Variants in ITGAV observed in about 807,000 individuals in gnomAD.
ITGAV encodes integrin subunit alpha V, also known as integrin alpha-V.
In ITGAV, 76 loss-of-function variants were observed where a neutral mutation model predicts 143.8. That is an observed-to-expected ratio of 0.53 (90% CI 0.44 to 0.64). The LOEUF (loss-of-function observed/expected upper bound fraction) is 0.64. ITGAV is among the 30% of genes least tolerant of loss of function. The probability of loss-of-function intolerance (pLI) is 0.00; values close to 1 mark genes in which losing one functional copy is unlikely to be tolerated. For synonymous variants in ITGAV, 453 were observed against 446.7 expected (o/e 1.01, Z -0.18); for missense variants, 1,193 against 1,274.7 (o/e 0.94, Z 0.98).
At chr2:186,594,726 T>C (rs992871473) in intron 1 of ITGAV, among the ~76,000 whole-genome samples, 3 of 152,236 alleles carry the variant, frequency 2.0e-5, no homozygotes, top group African/African-American at 7.2e-5. Context: ...CCTGTGTGTA[T>C]TTTTAAAACT....
intron 2 of ITGAV, among the ~76,000 whole-genome samples, chr2:186,615,651 T>G (rs1687333153): frequency 6.6e-6 from 1 of 152,254 alleles, no homozygotes; most frequent in South Asian, 2.1e-4. Context: ...CATTTGGTTG[T>G]TTGTCTTACT....
chr2:186,601,165 A>G (rs1199193577), intron 1 of ITGAV, among the ~76,000 whole-genome samples: 1 of 152,148 alleles, frequency 6.6e-6, no homozygotes, highest in East Asian at 1.9e-4. Context: ...TGACAAAGAA[A>G]TTGAATAGTG....
rs563336308 is a variant in ITGAV, at chr2:186,630,082, G to A, written c.524-715G>A. ...CTTTAATTAGATCTCCGTACTAAAC[G>A]TGGGAGGATAGCTTTATATTTTACT... On this transcript the variant is annotated intron_variant, in intron 4 of 29. Coordinates refer to ENST00000261023, the MANE Select transcript of ITGAV (RefSeq NM_002210.5). Among the ~76,000 whole-genome samples the A allele has an allele frequency of 5.3e-5, 8 of 152,082 alleles. No homozygotes were observed. In the East Asian group the frequency reaches 1.2e-3, roughly 22 times the overall value.
At chr2:186,629,890 A>T (rs1460471580) in intron 4 of ITGAV, among the ~76,000 whole-genome samples, 1 of 152,108 alleles carries the variant, frequency 6.6e-6, no homozygotes, top group African/African-American at 2.4e-5. Context: ...CATGTGTTCT[A>T]GGTACTGTAT....
intron 17 of ITGAV, among the ~76,000 whole-genome samples, chr2:186,657,003 CACACACACACACACACACACAG>C (rs1190967126): frequency 7.1e-6 from 1 of 140,548 alleles, no homozygotes; most frequent in Non-Finnish European, 1.6e-5. Context: ...CACACACACA[CACACACACACACACACACACAG>C]AAGCCACTAG....
chr2:186,655,381 G>T (rs138981568), intron 16 of ITGAV, among the ~76,000 whole-genome samples: 128 of 152,276 alleles, frequency 8.4e-4, no homozygotes, highest in Middle Eastern at 3.4e-3. Context: ...AAACTTTTCA[G>T]TAGAGACCTG....
intron 1 of ITGAV, among the ~76,000 whole-genome samples, chr2:186,593,688 C>G (rs1686673164): frequency 6.6e-6 from 1 of 151,702 alleles, no homozygotes; most frequent in Non-Finnish European, 1.5e-5. Context: ...GCCCACACCA[C>G]CGGGGGGAAG....
intron 12 of ITGAV, among the ~76,000 whole-genome samples, chr2:186,643,658 T>C (rs928751654): frequency 6.6e-6 from 1 of 152,122 alleles, no homozygotes; most frequent in Non-Finnish European, 1.5e-5. Context: ...TGTTCCAAAA[T>C]TTTATATAGC....
intron 26 of ITGAV, among the ~76,000 whole-genome samples, chr2:186,673,015 C>T (rs948467973): frequency 6.6e-6 from 1 of 152,126 alleles, no homozygotes. Flanking sequence ...AAGATTCATA[C>T]CTAGGCTTTT....
At chr2:186,660,487 T>C (rs1486148153) in intron 18 of ITGAV, 6 of 152,224 alleles carry the variant, frequency 3.9e-5, no homozygotes, top group Non-Finnish European at 7.3e-5. Flanking sequence ...TTATGTTAAT[T>C]ACTTACCCCA....
intron 18 of ITGAV, among the ~76,000 whole-genome samples, chr2:186,660,961 C>T (rs1039914326): frequency 2.6e-5 from 4 of 152,092 alleles, no homozygotes; most frequent in Non-Finnish European, 5.9e-5. Flanking sequence ...TTAGGGCCCA[C>T]CTTAAAGACG....
chr2:186,644,131 A>T (rs898096052), intron 12 of ITGAV, among the ~76,000 whole-genome samples: 2 of 152,044 alleles, frequency 1.3e-5, no homozygotes, highest in Admixed American at 1.3e-4. Context: ...TTTTGTAGAG[A>T]TGGGGCTTTG....
chr2:186,625,918 C>A (rs1034413944), intron 4 of ITGAV, among the ~76,000 whole-genome samples: 4 of 152,058 alleles, frequency 2.6e-5, no homozygotes, highest in African/African-American at 9.7e-5. Flanking sequence ...AAGATGTAGA[C>A]CCCACAACTA....
intron 1 of ITGAV, among the ~76,000 whole-genome samples, chr2:186,593,754 C>T (rs1374558712): frequency 1.3e-5 from 2 of 148,398 alleles, no homozygotes; most frequent in African/African-American, 2.5e-5. Flanking sequence ...GAGGCAGAAC[C>T]GTTTGCAGTC....
chr2:186,638,212 C>T, intron 8 of ITGAV, 65 bp from the exon 9 acceptor site: 3 of 1,427,046 alleles, frequency 2.1e-6, no homozygotes, highest in Non-Finnish European at 3.0e-6. Flanking sequence ...GACATAGTCA[C>T]TTCTGGTCTG....
At chr2:186,603,768 A>C (rs1417402275) in intron 2 of ITGAV, among the ~76,000 whole-genome samples, 2 of 152,224 alleles carry the variant, frequency 1.3e-5, no homozygotes, top group Non-Finnish European at 2.9e-5. Flanking sequence ...GTTTATTGAA[A>C]ATAACATTTG....
At chr2:186,667,428 T>C (rs1179671008) in intron 23 of ITGAV, among the ~76,000 whole-genome samples, 198 bp downstream of exon 23, 1 of 152,194 alleles carries the variant, frequency 6.6e-6, no homozygotes, top group Non-Finnish European at 1.5e-5. Context: ...GAACAAGACA[T>C]GGCAACAACA....
chr2:186,657,828 T>C (rs1688632516), intron 17 of ITGAV, among the ~76,000 whole-genome samples: 1 of 152,212 alleles, frequency 6.6e-6, no homozygotes, highest in South Asian at 2.1e-4. Context: ...AATAATCCTC[T>C]AAACACTTAA....
chr2:186,591,645 T>C (rs1211075127), intron 1 of ITGAV, among the ~76,000 whole-genome samples: 1 of 152,222 alleles, frequency 6.6e-6, no homozygotes, highest in Non-Finnish European at 1.5e-5. Context: ...GTGGTCTCAA[T>C]GGTTTTCTAT....
Sources: allele counts gnomAD v4.1 joint callset (sites outside exome capture counted in the v4.1 genomes callset), GRCh38; gene constraint gnomAD v4.1.1; transcripts MANE v1.5; gene names NCBI Gene and HGNC (gene_info 2026-07-23, HGNC 2026-07-21).